The following SLC25A13 variants were observed in gnomAD, a reference collection of about 807,000 sequenced individuals.
The protein encoded by SLC25A13 is electrogenic aspartate/glutamate antiporter SLC25A13, mitochondrial.
A neutral mutation model predicts 85.5 loss-of-function variants in SLC25A13; 70 were observed. That is an observed-to-expected ratio of 0.82 (90% CI 0.68 to 1.00). The LOEUF is 1.00. SLC25A13 is among the 50% of genes least tolerant of loss of function. The pLI is 0.00. For missense variants in SLC25A13, 765 were observed against 819.8 expected, an observed-to-expected ratio of 0.93 and a Z score of 0.82; for synonymous variants, 259 against 288.7, an observed-to-expected ratio of 0.90 and a Z score of 1.04.
At chr7:96,298,560 A>C in intron 1 of SLC25A13, among the ~76,000 whole-genome samples, 1 of 151,996 alleles carries the variant, frequency 6.6e-6, no homozygotes, top group Non-Finnish European at 1.5e-5. Context: ...CAGCCTCCCA[A>C]GTAGTTGGGA....
chr7:96,137,670 G>A (rs911870259), intron 14 of SLC25A13, among the ~76,000 whole-genome samples: 1 of 152,058 alleles, frequency 6.6e-6, no homozygotes, highest in Non-Finnish European at 1.5e-5. Context: ...TTTTGAGACA[G>A]TGCTGGAGTG....
intron 9 of SLC25A13, among the ~76,000 whole-genome samples, chr7:96,188,147 A>G (rs1011416694): frequency 2.0e-5 from 3 of 152,220 alleles, no homozygotes; most frequent in African/African-American, 7.2e-5. Flanking sequence ...CGAAGAGATA[A>G]TCATCTCCTA....
At chr7:96,234,732 G>T in intron 4 of SLC25A13, 70 bp downstream of exon 4, 1 of 967,598 alleles carries the variant, frequency 1.0e-6, no homozygotes, top group Non-Finnish European at 1.5e-6. Context: ...TTTGTTCCTA[G>T]AAAAAAAAAA....
intron 17 of SLC25A13, 109 bp from the exon 18 acceptor site, chr7:96,121,486 T>C (rs1791503006): frequency 5.7e-6 from 8 of 1,410,696 alleles, no homozygotes; most frequent in Non-Finnish European, 8.0e-6. Flanking sequence ...AGTTGATACA[T>C]TCTCATCAGT....
Position 96,184,621 on chromosome 7 carries a change from C to T in SLC25A13, c.1019-186G>A, listed in dbSNP as rs1032700360. ...ATTGAGGGTTTTCATTCAAGTATCC[C>T]CTAATAAAAGGATGTCATAGATATT... On this transcript the variant is annotated intron_variant, in intron 10 of 17. Coordinates refer to ENST00000265631, the MANE Select transcript of SLC25A13 (RefSeq NM_014251.3). 4 of 659,742 alleles carry T rather than the reference C, an allele frequency of 6.1e-6. No individual in the cohort carries two copies. In the African/African-American group the frequency reaches 7.3e-5, roughly 12 times the overall value. The allele number at this position is 659,742 out of a possible 1,614,324, so 40.9% of individuals were successfully genotyped here. A position where few individuals can be genotyped will look rare whatever the true frequency, so the allele number is the denominator to read the frequency against.
chr7:96,289,723 A>G (rs1474841370), intron 2 of SLC25A13, among the ~76,000 whole-genome samples: 1 of 152,238 alleles, frequency 6.6e-6, no homozygotes, highest in Non-Finnish European at 1.5e-5. Flanking sequence ...AGAGTAAAAA[A>G]GAAATGAACA....
intron 14 of SLC25A13, among the ~76,000 whole-genome samples, chr7:96,139,909 C>A (rs575005927): frequency 7.5e-4 from 111 of 148,878 alleles, no homozygotes; most frequent in African/African-American, 2.7e-3. Context: ...TGCAATGAAC[C>A]TGGTAGTCAT....
chr7:96,304,321 C>T (rs942558194), intron 1 of SLC25A13, among the ~76,000 whole-genome samples: 3 of 152,166 alleles, frequency 2.0e-5, no homozygotes, highest in African/African-American at 7.2e-5. Context: ...AATGTTAACC[C>T]ACTGGGTAAT....
chr7:96,159,115 G>A (rs1793399694), intron 13 of SLC25A13, among the ~76,000 whole-genome samples: 7 of 152,180 alleles, frequency 4.6e-5, no homozygotes, highest in Admixed American at 3.9e-4. Flanking sequence ...AAGATGAGGT[G>A]GCATGAGGTC....
chr7:96,131,663 T>A (rs1792033883), intron 15 of SLC25A13, 80 bp downstream of exon 15: 1 of 1,599,010 alleles, frequency 6.3e-7, no homozygotes, highest in African/African-American at 1.3e-5. Flanking sequence ...AGCAAAAAAA[T>A]TTCAATGTAG....
rs775692249 is a variant in SLC25A13, at chr7:96,194,415, C to A, written c.469-1232G>T. Among the ~76,000 whole-genome samples the A allele has an allele frequency of 6.8e-5, 7 of 103,324 alleles. No homozygotes were observed. The South Asian group carries it at 1.8e-3, about 26-fold the overall frequency. 67.8% of individuals were successfully genotyped at this position (103,324 alleles called of 152,430 possible). A position where few individuals can be genotyped will look rare whatever the true frequency, so the allele number is the denominator to read the frequency against. On this transcript the variant is annotated intron_variant, in intron 5 of 17. Transcript: ENST00000265631. Reference sequence around the variant, plus strand: ...CTGAGATCATGCCGCCACACTCCAGCCTGGGTGACAGAGTGAAACCTTGTC... The same window carrying A: ...CTGAGATCATGCCGCCACACTCCAGACTGGGTGACAGAGTGAAACCTTGTC...
At chr7:96,163,162 T>C (rs1793582386) in intron 13 of SLC25A13, among the ~76,000 whole-genome samples, 1 of 152,224 alleles carries the variant, frequency 6.6e-6, no homozygotes, top group South Asian at 2.1e-4. Flanking sequence ...CCAGCCTAAC[T>C]GGCTTGTCTG....
chr7:96,213,860 A>C (rs952554106), intron 4 of SLC25A13, among the ~76,000 whole-genome samples: 47 of 152,358 alleles, frequency 3.1e-4, no homozygotes, highest in African/African-American at 1.0e-3. Flanking sequence ...TATTTTGGAT[A>C]TATAAAGTCA....
chr7:96,210,888 C>T (rs1460506097), intron 4 of SLC25A13, among the ~76,000 whole-genome samples: 1 of 149,248 alleles, frequency 6.7e-6, no homozygotes, highest in Non-Finnish European at 1.5e-5. Flanking sequence ...AAATTCCTTT[C>T]TGCCAAGCAT....
chr7:96,279,196 A>G (rs181371941), intron 2 of SLC25A13, among the ~76,000 whole-genome samples: 54 of 152,328 alleles, frequency 3.5e-4, no homozygotes, highest in African/African-American at 9.6e-4. Flanking sequence ...CAGTGTGTGA[A>G]CATGCCCTTT....
intron 1 of SLC25A13, among the ~76,000 whole-genome samples, chr7:96,300,068 C>T (rs182903377): frequency 9.8e-5 from 15 of 152,296 alleles, no homozygotes; most frequent in Non-Finnish European, 2.1e-4. Flanking sequence ...AATCAAAACT[C>T]TCCCAATTTC....
At chr7:96,311,418 G>A (rs1305175627) in intron 1 of SLC25A13, among the ~76,000 whole-genome samples, 1 of 152,112 alleles carries the variant, frequency 6.6e-6, no homozygotes, top group Non-Finnish European at 1.5e-5. Context: ...ACTGTCACTT[G>A]CAGGAAATAC....
intron 3 of SLC25A13, among the ~76,000 whole-genome samples, chr7:96,249,879 C>CAAAA: frequency 9.0e-6 from 1 of 111,646 alleles, no homozygotes; most frequent in Non-Finnish European, 1.8e-5. Context: ...CTTAACTTAG[C>CAAAA]AAAAAAAAAA....
chr7:96,219,271 T>G (rs1026384677), intron 4 of SLC25A13, among the ~76,000 whole-genome samples: 1 of 152,174 alleles, frequency 6.6e-6, no homozygotes, highest in African/African-American at 2.4e-5. Context: ...ATTATTATTC[T>G]GAACATGTAG....
Sources: allele counts gnomAD v4.1 joint callset (sites outside exome capture counted in the v4.1 genomes callset), GRCh38; gene constraint gnomAD v4.1.1; transcripts MANE v1.5; gene names NCBI Gene and HGNC (gene_info 2026-07-23, HGNC 2026-07-21).